The following FOXN3 variants were observed in gnomAD, a reference collection of about 807,000 sequenced individuals.
The protein encoded by FOXN3 is forkhead box protein N3.
Under a neutral mutation model 38.4 loss-of-function variants are expected in FOXN3, and 7 were observed. The ratio of observed to expected loss-of-function variants is 0.18; its 90% CI spans 0.10 to 0.34. FOXN3 has a LOEUF of 0.34. Among genes scored for constraint, FOXN3 ranks in the 10% least tolerant of loss-of-function variants. The probability of loss-of-function intolerance (pLI) is 1.00; values close to 1 mark genes in which losing one functional copy is unlikely to be tolerated. For synonymous variants in FOXN3, 230 were observed against 242.2 expected (o/e 0.95, Z 0.47); for missense variants, 456 against 613.4 (o/e 0.74, Z 2.71).
intron 1 of FOXN3, among the ~76,000 whole-genome samples, chr14:89,430,411 G>C (rs531674221): frequency 1.4e-4 from 21 of 152,280 alleles, no homozygotes; most frequent in Non-Finnish European, 2.5e-4. Flanking sequence ...GGCTTTTTCA[G>C]CACAGATAAA....
Position 89,224,499 on chromosome 14 carries a change from C to T in FOXN3, c.746-43693G>A, listed in dbSNP as rs184447714. Among the ~76,000 whole-genome samples the T allele has an allele frequency of 2.2e-3, 338 of 152,202 alleles. 1 individual carries two copies. The highest frequency in any genetic ancestry group is 7.9e-3 in the African/African-American group (328 of 41,528). Reference sequence around the variant, plus strand: ...TTTTCTGCCCCAAATGCTTTGGAACCCTACCTTGCCCATATGATGTGATAT... The same window carrying T: ...TTTTCTGCCCCAAATGCTTTGGAACTCTACCTTGCCCATATGATGTGATAT... On this transcript the variant is annotated intron_variant, in intron 4 of 5. Transcript: ENST00000557258.
intron 4 of FOXN3, among the ~76,000 whole-genome samples, chr14:89,207,444 A>T (rs1888414739): frequency 6.6e-6 from 1 of 152,214 alleles, no homozygotes; most frequent in African/African-American, 2.4e-5. Flanking sequence ...TATTGATATT[A>T]CTATAGTTGT....
At chr14:89,224,779 G>T (rs1182538049) in intron 4 of FOXN3, among the ~76,000 whole-genome samples, 2 of 152,172 alleles carry the variant, frequency 1.3e-5, no homozygotes, top group African/African-American at 4.8e-5. Context: ...CAGGAGGATT[G>T]CTTGAGGCCA....
intron 2 of FOXN3, among the ~76,000 whole-genome samples, chr14:89,394,863 C>A (rs749671917): frequency 3.3e-5 from 5 of 152,198 alleles, no homozygotes; most frequent in African/African-American, 4.8e-5. Context: ...GGATACAGAT[C>A]ATTGGAAGCA....
chr14:89,222,405 A>G (rs1005230437), intron 4 of FOXN3, among the ~76,000 whole-genome samples: 2 of 152,184 alleles, frequency 1.3e-5, no homozygotes, highest in African/African-American at 4.8e-5. Context: ...GCTTACATAT[A>G]TTAAGATACA....
intron 1 of FOXN3, among the ~76,000 whole-genome samples, chr14:89,472,408 A>G (rs1893115705): frequency 6.6e-6 from 1 of 152,056 alleles, no homozygotes; most frequent in Non-Finnish European, 1.5e-5. Flanking sequence ...GTAATTGTCA[A>G]GTGTTTAATT....
At chr14:89,460,622 G>A (rs1892825940) in intron 1 of FOXN3, among the ~76,000 whole-genome samples, 1 of 151,736 alleles carries the variant, frequency 6.6e-6, no homozygotes, top group Non-Finnish European at 1.5e-5. Flanking sequence ...GGAACATGGA[G>A]AAAATTAATT....
intron 4 of FOXN3, among the ~76,000 whole-genome samples, chr14:89,252,407 C>A (rs1378376349): frequency 3.9e-5 from 6 of 152,116 alleles, no homozygotes; most frequent in Non-Finnish European, 8.8e-5. Flanking sequence ...GTAATCCCAG[C>A]ACTTTGGGAG....
intron 4 of FOXN3, among the ~76,000 whole-genome samples, chr14:89,227,605 T>A (rs966078640): frequency 5.9e-5 from 9 of 152,150 alleles, no homozygotes; most frequent in African/African-American, 2.2e-4. Context: ...CAGGTGAACA[T>A]TAAGATGACC....
chr14:89,214,121 T>A (rs1884188690), intron 4 of FOXN3, among the ~76,000 whole-genome samples: 1 of 152,110 alleles, frequency 6.6e-6, no homozygotes, highest in Non-Finnish European at 1.5e-5. Flanking sequence ...TGATGATATA[T>A]CTTTTTTGTT....
intron 1 of FOXN3, among the ~76,000 whole-genome samples, chr14:89,501,058 CG>C (rs370480765): frequency 2.0e-5 from 3 of 152,296 alleles, no homozygotes; most frequent in Admixed American, 1.3e-4. Flanking sequence ...GCGCCCTCCA[CG>C]GGATCGTGTC....
intron 4 of FOXN3, among the ~76,000 whole-genome samples, chr14:89,215,333 T>A (rs1884237065): frequency 7.2e-6 from 1 of 138,114 alleles, no homozygotes; most frequent in Non-Finnish European, 1.5e-5. Flanking sequence ...TTCTTCAGAG[T>A]TAGGAGAATA....
intron 4 of FOXN3, among the ~76,000 whole-genome samples, chr14:89,193,066 T>C (rs188972091): frequency 2.9e-4 from 44 of 152,190 alleles, no homozygotes; most frequent in African/African-American, 1.0e-3. Flanking sequence ...GGCCTTTTCC[T>C]TTCTCAGGGG....
At chr14:89,236,082 G>A (rs891449923) in intron 4 of FOXN3, among the ~76,000 whole-genome samples, 3 of 152,180 alleles carry the variant, frequency 2.0e-5, no homozygotes, top group African/African-American at 7.2e-5. Context: ...TTTGCTCTAT[G>A]AAAAATACAT....
intron 4 of FOXN3, among the ~76,000 whole-genome samples, chr14:89,261,756 C>A (rs549115788): frequency 6.6e-6 from 1 of 152,024 alleles, no homozygotes; most frequent in African/African-American, 2.4e-5. Context: ...GATGAAACCC[C>A]GTCTCTACCA....
At chr14:89,606,911 C>G (rs550757410) in intron 1 of FOXN3, among the ~76,000 whole-genome samples, 1 of 152,152 alleles carries the variant, frequency 6.6e-6, no homozygotes, top group East Asian at 1.9e-4. Flanking sequence ...ACACAAAAAA[C>G]AATTCTGGCT....
At chr14:89,342,547 T>C (rs1888646514) in intron 3 of FOXN3, among the ~76,000 whole-genome samples, 1 of 152,224 alleles carries the variant, frequency 6.6e-6, no homozygotes. Flanking sequence ...CCACTGTCAA[T>C]GAGCACTGTG....
chr14:89,418,138 G>A (rs1011054377), upstream of FOXN3, among the ~76,000 whole-genome samples: 1 of 152,242 alleles, frequency 6.6e-6, no homozygotes, highest in Non-Finnish European at 1.5e-5. Context: ...GGACACCCTG[G>A]TGGTGACAAA....
At chr14:89,203,659 G>A (rs1888292710) in intron 4 of FOXN3, among the ~76,000 whole-genome samples, 1 of 152,210 alleles carries the variant, frequency 6.6e-6, no homozygotes, top group South Asian at 2.1e-4. Context: ...GCATGTGCAT[G>A]GGGCAGGCAG....
Sources: gnomAD v4.1 joint callset for allele counts (sites outside exome capture counted in the v4.1 genomes callset) on GRCh38, gnomAD v4.1.1 for gene constraint, MANE v1.5 for transcripts, NCBI Gene and HGNC (gene_info 2026-07-23, HGNC 2026-07-21) for gene names.